The following ANO6 variants were observed in gnomAD, a reference collection of about 807,000 sequenced individuals.
ANO6 encodes the protein anoctamin-6.
ANO6 carries 106 observed loss-of-function variants against 117.5 expected under a neutral mutation model. That is an observed-to-expected ratio of 0.90 (90% confidence interval 0.77 to 1.06). ANO6 has a LOEUF of 1.06. Among genes scored for constraint, ANO6 ranks in the 50% least tolerant of loss-of-function variants. The pLI, the probability that ANO6 is intolerant of heterozygous loss-of-function variation, is 0.00. For synonymous variants in ANO6, 367 were observed against 385.1 expected, an observed-to-expected ratio of 0.95 and a Z score of 0.55; for missense variants, 955 against 1,121.1, an observed-to-expected ratio of 0.85 and a Z score of 2.12.
Position 45,371,411 on chromosome 12 carries a change from C to A in ANO6, c.1104+3618C>A, listed in dbSNP as rs921166681. Among the ~76,000 whole-genome samples the A allele has an allele frequency of 7.9e-4, 120 of 152,190 alleles. 2 individuals carry two copies. On this transcript the variant is annotated intron_variant, in intron 9 of 19. Coordinates refer to ENST00000320560, the MANE Select transcript of ANO6 (RefSeq NM_001025356.3). ...GTAGGCTCCACCTCTGGGGGCAGGGCACAGACAAACAAAAAGACAGCAGTA... is the reference window on the plus strand; with the variant it reads ...GTAGGCTCCACCTCTGGGGGCAGGGAACAGACAAACAAAAAGACAGCAGTA...
intron 6 of ANO6, among the ~76,000 whole-genome samples, chr12:45,348,886 G>A (rs890272363): frequency 7.2e-5 from 11 of 152,174 alleles, no homozygotes; most frequent in African/African-American, 1.9e-4. Context: ...GTGTAAAGCA[G>A]TATAGATTAG....
At chr12:45,331,940 G>T (rs1940678709) in intron 3 of ANO6, among the ~76,000 whole-genome samples, 1 of 152,056 alleles carries the variant, frequency 6.6e-6, no homozygotes. Context: ...CTAGCAAGTG[G>T]TGAAGCCATG....
intron 12 of ANO6, 92 bp from the exon 13 acceptor site, chr12:45,401,703 C>A (rs1369074662): frequency 1.9e-6 from 2 of 1,028,864 alleles, no homozygotes; most frequent in Non-Finnish European, 3.0e-6. Context: ...CATCACTTTA[C>A]ACACACACCT....
intron 2 of ANO6, among the ~76,000 whole-genome samples, chr12:45,322,017 G>GAAAA (rs1235605556): frequency 6.6e-6 from 1 of 152,136 alleles, no homozygotes; most frequent in Non-Finnish European, 1.5e-5. Flanking sequence ...TGGTGCCAAT[G>GAAAA]TGGGATTGTG....
Position 45,343,798 on chromosome 12 carries a change from G to GA in ANO6, c.280-3224_280-3223insA, listed in dbSNP as rs1941048213. ...TGAGCACAGGGCTGCTGCCAGCACC[G>GA]CTGGCACCACTGACTAGCAGTAGCT... On this transcript the variant is annotated intron_variant, in intron 3 of 19. Coordinates refer to ENST00000320560, the MANE Select transcript of ANO6 (RefSeq NM_001025356.3). Among the ~76,000 whole-genome samples the GA allele has an allele frequency of 2.6e-5, 4 of 152,210 alleles. No homozygotes were observed. The South Asian group carries it at 8.3e-4, about 32-fold the overall frequency.
chr12:45,403,418 A>G (rs753078302), intron 14 of ANO6, 21 bp from the exon 15 acceptor site: 2 of 1,589,260 alleles, frequency 1.3e-6, no homozygotes, highest in Non-Finnish European at 8.6e-7. Flanking sequence ...TTTAAATGGT[A>G]TTTTCTTTTT....
intron 3 of ANO6, among the ~76,000 whole-genome samples, chr12:45,340,789 G>A (rs1292927593): frequency 2.0e-5 from 3 of 152,132 alleles, no homozygotes; most frequent in Non-Finnish European, 4.4e-5. Flanking sequence ...ACTTATCCAA[G>A]TGTAAATTCT....
chr12:45,373,211 C>A (rs1310710125), intron 9 of ANO6, among the ~76,000 whole-genome samples: 1 of 152,182 alleles, frequency 6.6e-6, no homozygotes, highest in African/African-American at 2.4e-5. Flanking sequence ...GATCATAAAG[C>A]AAGTCCTGAG....
intron 1 of ANO6, among the ~76,000 whole-genome samples, chr12:45,266,166 T>G (rs1938208143): frequency 6.6e-6 from 1 of 152,226 alleles, no homozygotes. Context: ...TTCAGTTGTC[T>G]GCATCTTAAC....
At chr12:45,399,485 C>G (rs545199321) in intron 12 of ANO6, among the ~76,000 whole-genome samples, 1 of 152,082 alleles carries the variant, frequency 6.6e-6, no homozygotes, top group Admixed American at 6.5e-5. Flanking sequence ...TGAGCCACCG[C>G]GCCTGGCCGA....
At chr12:45,377,911 T>C (rs529295305) in intron 9 of ANO6, 142 bp from the exon 10 acceptor site, 3 of 782,668 alleles carry the variant, frequency 3.8e-6, no homozygotes, top group Middle Eastern at 3.2e-4. Context: ...CATTGAATGA[T>C]GTATGATCAT....
intron 8 of ANO6, among the ~76,000 whole-genome samples, chr12:45,361,559 C>T (rs1275135545): frequency 1.3e-5 from 2 of 152,094 alleles, no homozygotes; most frequent in Non-Finnish European, 2.9e-5. Flanking sequence ...CTGACTAGAA[C>T]CTCCAATATA....
At chr12:45,293,764 TA>T (rs1317108476) in intron 1 of ANO6, among the ~76,000 whole-genome samples, 1 of 148,014 alleles carries the variant, frequency 6.8e-6, no homozygotes, top group Non-Finnish European at 1.5e-5. Flanking sequence ...TTTGTATTTT[TA>T]GTAGAGACAG....
In ANO6 at chr12:45,319,776, T is replaced by A. The variant is rs563459470; in HGVS notation, c.151-11519T>A. Among the ~76,000 whole-genome samples the A allele has an allele frequency of 7.2e-5, 11 of 152,340 alleles. No homozygotes were observed. In the East Asian group the frequency reaches 2.1e-3, roughly 29 times the overall value. Reference sequence around the variant, plus strand: ...CTCTTTTTGGTTGGTAAGCTATTAATTATTGCCTTAATTTCAGATCCTGTT... The same window carrying A: ...CTCTTTTTGGTTGGTAAGCTATTAAATATTGCCTTAATTTCAGATCCTGTT... On this transcript the variant is annotated intron_variant, in intron 2 of 19. Coordinates refer to ENST00000320560, the MANE Select transcript of ANO6 (RefSeq NM_001025356.3).
At chr12:45,333,785 A>G (rs1003704559) in intron 3 of ANO6, among the ~76,000 whole-genome samples, 7 of 152,066 alleles carry the variant, frequency 4.6e-5, no homozygotes, top group African/African-American at 1.7e-4. Flanking sequence ...AACATTTGTG[A>G]GTTCCATTGT....
chr12:45,247,112 G>A (rs1947837971), intron 1 of ANO6, among the ~76,000 whole-genome samples: 1 of 152,114 alleles, frequency 6.6e-6, no homozygotes, highest in African/African-American at 2.4e-5. Context: ...TTTTAGTAGA[G>A]ATGGGGTTTC....
Position 45,431,195 on chromosome 12 carries a change from C to A in ANO6, c.*1884C>A. On this transcript the variant is annotated 3_prime_UTR_variant, in exon 20 of 20. Transcript: ENST00000320560. ...ACAGGCCCCATGAAGTCTGACTGCA[C>A]TGGGATGGAGAAATGAATTTCTTCC... The A allele has an allele frequency of 4.1e-6, 4 of 985,302 alleles. No homozygotes were observed. The highest frequency in any genetic ancestry group is 4.8e-6 in the Non-Finnish European group (4 of 829,880). 61.0% of individuals were successfully genotyped at this position (985,302 alleles called of 1,614,324 possible).
At chr12:45,423,717 A>T (rs73283315) in intron 19 of ANO6, among the ~76,000 whole-genome samples, 1 of 152,142 alleles carries the variant, frequency 6.6e-6, no homozygotes, top group African/African-American at 2.4e-5. Flanking sequence ...AGTCTATCCA[A>T]TTCTTGGGTT....
rs1941391495 is a variant in ANO6, at chr12:45,355,643, A to G, written c.864-1647A>G. Reference sequence around the variant, plus strand: ...GCCGTTTGCCTGCCTTCCATGAGCCAGAGAGCAAAGCTCCGGTCACGTGAA... The same window carrying G: ...GCCGTTTGCCTGCCTTCCATGAGCCGGAGAGCAAAGCTCCGGTCACGTGAA... On this transcript the variant is annotated intron_variant, in intron 7 of 19. Coordinates refer to ENST00000320560, the MANE Select transcript of ANO6 (RefSeq NM_001025356.3). 2.0e-5 allele frequency among the ~76,000 whole-genome samples: 3 copies of G among 152,192 alleles called. No individual in the cohort carries two copies. In the South Asian group the frequency reaches 6.2e-4, roughly 32 times the overall value.
Sources: allele counts gnomAD v4.1 joint callset (sites outside exome capture counted in the v4.1 genomes callset), GRCh38; gene constraint gnomAD v4.1.1; transcripts MANE v1.5; gene names NCBI Gene and HGNC (gene_info 2026-07-23, HGNC 2026-07-21).